GGA3: variants seen among roughly 807,000 people sequenced by gnomAD.
The protein encoded by GGA3 is ADP-ribosylation factor-binding protein GGA3.
A neutral mutation model predicts 77.5 loss-of-function variants in GGA3; 57 were observed. The observed-to-expected ratio is 0.74, with a 90% CI of 0.59 to 0.92. GGA3 has a LOEUF of 0.92. Among genes scored for constraint, GGA3 ranks in the 40% least tolerant of loss-of-function variants. The pLI, the probability that GGA3 is intolerant of heterozygous loss-of-function variation, is 0.00. For synonymous variants in GGA3, 416 were observed against 383.7 expected (o/e 1.08, Z -0.98); for missense variants, 970 against 914.9 (o/e 1.06, Z -0.78).
chr17:75,245,041 A>G (rs2076706959), intron 3 of GGA3, among the ~76,000 whole-genome samples: 1 of 152,154 alleles, frequency 6.6e-6, no homozygotes, highest in South Asian at 2.1e-4. Context: ...GTGTTTTACA[A>G]TGAGGGAGGT....
At chr17:75,239,134 C>CAG (rs773319238) in intron 14 of GGA3, 51 bp from the exon 15 acceptor site, 9 of 1,548,784 alleles carry the variant, frequency 5.8e-6, no homozygotes, top group Non-Finnish European at 7.9e-6. Flanking sequence ...AGACACCCAA[C>CAG]AGAGCCCCGG....
At position 75,242,340 on chromosome 17, in the gene GGA3, A is replaced by G. The variant is rs768625585; in HGVS notation, c.743T>C (p.Met248Thr). ...CTTTGCCGTCGGCGGTCCCACCTTCATCAGCTCTCTGTCCCCGTCCGAAGA... is the reference window on the plus strand; with the variant it reads ...CTTTGCCGTCGGCGGTCCCACCTTCGTCAGCTCTCTGTCCCCGTCCGAAGA... ...EDSSDGDREL[M>T]KELFDQCENK... is the part of the protein sequence containing the mutation. The change falls in exon 8 of 17, where the codon ATG becomes ACG. Residue 248 changes from methionine to threonine, a missense_variant. Met to Thr is a moderately conservative substitution (Grantham distance 81, BLOSUM62 -1). Coordinates refer to ENST00000537686, the MANE Select transcript of GGA3 (RefSeq NM_138619.4). 2 of 1,614,070 alleles carry G rather than the reference A, an allele frequency of 1.2e-6. No individual in the cohort carries two copies. Among genetic ancestry groups the G allele is most frequent in the African/African-American group, 1.3e-5 (1 of 74,930 alleles).
chr17:75,238,511 TCAGA>T, intron 16 of GGA3, 122 bp from the exon 17 acceptor site: 1 of 994,090 alleles, frequency 1.0e-6, no homozygotes, highest in Non-Finnish European at 1.5e-6. Context: ...CCAACCATGC[TCAGA>T]CACTTAACCT....
intron 1 of GGA3, among the ~76,000 whole-genome samples, chr17:75,258,984 C>T (rs564993692): frequency 3.8e-4 from 56 of 146,776 alleles, no homozygotes; most frequent in African/African-American, 1.2e-3. Flanking sequence ...GACGGAGTCT[C>T]GCTCTGTCAC....
intron 1 of GGA3, among the ~76,000 whole-genome samples, chr17:75,250,949 C>T (rs1054200159): frequency 1.3e-5 from 2 of 150,518 alleles, no homozygotes; most frequent in Admixed American, 1.3e-4. Flanking sequence ...GGCATGGTTC[C>T]GCGCACCTGT....
At chr17:75,249,077 G>A (rs1598422644) in intron 1 of GGA3, 36 of 850,564 alleles carry the variant, frequency 4.2e-5, no homozygotes, top group South Asian at 3.8e-4. Flanking sequence ...ATTGAGTCTC[G>A]CTGTGTCACC....
upstream of GGA3, chr17:75,261,654 G>A: frequency 1.4e-6 from 2 of 1,413,622 alleles, no homozygotes; most frequent in South Asian, 2.8e-5. Flanking sequence ...ACGGGGCGGG[G>A]CCTGCATGGG....
chr17:75,253,756 AC>A (rs2145579934), intron 1 of GGA3, among the ~76,000 whole-genome samples: 1 of 151,926 alleles, frequency 6.6e-6, no homozygotes, highest in Non-Finnish European at 1.5e-5. Context: ...GAACCCTCGA[AC>A]CCCTTCCCTC....
At chr17:75,261,667 C>T (rs895603027), upstream of GGA3, 50 of 1,369,956 alleles carry the variant, frequency 3.6e-5, no homozygotes, top group African/African-American at 7.0e-4. Flanking sequence ...TGCATGGGGT[C>T]CTGAGAGGAG....
intron 1 of GGA3, among the ~76,000 whole-genome samples, chr17:75,254,946 A>T (rs2077092086): frequency 6.6e-6 from 1 of 151,956 alleles, no homozygotes; most frequent in Non-Finnish European, 1.5e-5. Context: ...TGAAAATTGG[A>T]CTGTTCAACT....
At position 75,240,182 on chromosome 17, in the gene GGA3, C is replaced by T. The variant is rs2076492605; in HGVS notation, c.1264-74G>A. 4 of 1,302,954 alleles carry T rather than the reference C, an allele frequency of 3.1e-6. No individual in the cohort carries two copies. The East Asian group carries it at 1.0e-4, about 33-fold the overall frequency. The allele number at this position is 1,302,954 out of a possible 1,614,324, so 80.7% of individuals were successfully genotyped here. A position where few individuals can be genotyped will look rare whatever the true frequency, so the allele number is the denominator to read the frequency against. On this transcript the variant is annotated intron_variant, in intron 12 of 16. Transcript: ENST00000537686. ...TGCCGCTGGAACGGGGCGCAGCCCT[C>T]CAAGGACTGCACGGAAGACAGCCCC...
At chr17:75,256,899 C>T (rs888613546) in intron 1 of GGA3, among the ~76,000 whole-genome samples, 1 of 152,084 alleles carries the variant, frequency 6.6e-6, no homozygotes, top group African/African-American at 2.4e-5. Context: ...AGAAGGCCAC[C>T]GCAGTCATTT....
Position 75,238,023 on chromosome 17 carries a change from C to T in GGA3, c.*256G>A. On this transcript the variant is annotated 3_prime_UTR_variant, in exon 17 of 17. Coordinates refer to ENST00000537686, the MANE Select transcript of GGA3 (RefSeq NM_138619.4). The stretch of plus-strand genomic sequence containing the variant: ...CATGTTCCCGGGACAGCAGTGAAGT[C>T]AGGGGCCACTCCGCACCCCTGACAG... 3.1e-6 allele frequency: 4 copies of T among 1,280,938 alleles called. No homozygotes were observed. Among genetic ancestry groups the T allele is most frequent in the Non-Finnish European group, 3.9e-6 (4 of 1,013,694 alleles). 79.3% of individuals were successfully genotyped at this position (1,280,938 alleles called of 1,614,324 possible). A position where few individuals can be genotyped will look rare whatever the true frequency, so the allele number is the denominator to read the frequency against.
chr17:75,249,295 G>A (rs184896279), intron 1 of GGA3, among the ~76,000 whole-genome samples: 67 of 152,260 alleles, frequency 4.4e-4, no homozygotes, highest in Non-Finnish European at 6.2e-4. Flanking sequence ...GACCAGCCCT[G>A]GCCTCCCAAA....
rs1425986942 is a variant in GGA3, at chr17:75,239,488, C to A, written c.1667G>T (p.Gly556Val). The change falls in exon 14 of 17, where the codon GGG (glycine) becomes GTG (valine). Residue 556 changes from glycine to valine, a missense_variant. Physicochemically the swap from Gly to Val is moderately radical, Grantham distance 109. Coordinates refer to ENST00000537686, the MANE Select transcript of GGA3 (RefSeq NM_138619.4). ...TGGCTGGAAGAGCGGGCTGCCGGGC[C>A]CCGTGGAGAAGGGCAGGAGGGGCCT... ...PARPLLPFST[G>V]PGSPLFQPLS... 6.3e-7 allele frequency: 1 copy of A among 1,578,634 alleles called. No individual in the cohort carries two copies. The highest frequency in any genetic ancestry group is 8.6e-7 in the Non-Finnish European group (1 of 1,169,042).
intron 1 of GGA3, among the ~76,000 whole-genome samples, chr17:75,251,204 C>G (rs530680304): frequency 2.6e-5 from 4 of 152,152 alleles, no homozygotes; most frequent in African/African-American, 9.6e-5. Context: ...TAGTCAATCA[C>G]CAAGTCTTTG....
rs769368011 is a variant in GGA3 at position 75,239,485 on chromosome 17, G to A, written c.1670C>T (p.Pro557Leu). 3 of 1,579,842 alleles carry A rather than the reference G, an allele frequency of 1.9e-6. No homozygotes were observed. The highest frequency in any genetic ancestry group is 2.3e-5 in the South Asian group (2 of 86,242). Residue 557 changes from proline (P) to leucine (L), a missense_variant, in exon 14 of 17, where the codon CCC becomes CTC. Transcript: ENST00000537686. ...CAGTGGCTGGAAGAGCGGGCTGCCG[G>A]GCCCCGTGGAGAAGGGCAGGAGGGG... ...ARPLLPFSTG[P>L]GSPLFQPLSF...
At chr17:75,261,973 C>G, upstream of GGA3, 1 of 1,601,788 alleles carries the variant, frequency 6.2e-7, no homozygotes, top group Non-Finnish European at 8.5e-7. Flanking sequence ...GGCTGTCTTG[C>G]AGCTTCCAGG....
chr17:75,237,897 G>A lies in GGA3; in HGVS notation c.*382C>T. 7.3e-7 allele frequency: 1 copy of A among 1,365,422 alleles called. No homozygotes were observed. The highest frequency in any genetic ancestry group is 2.7e-4 in the Middle Eastern group (1 of 3,672). The allele number at this position is 1,365,422 out of a possible 1,614,324, so 84.6% of individuals were successfully genotyped here. On this transcript the variant is annotated 3_prime_UTR_variant, in exon 17 of 17. Transcript: ENST00000537686. ...GTGGCTCTTGTGGGGAATGACCCAT[G>A]ACAGTCTCTCTTTAGAGACTCCCAC...
Sources: allele counts gnomAD v4.1 joint callset (sites outside exome capture counted in the v4.1 genomes callset), GRCh38; gene constraint gnomAD v4.1.1; transcripts MANE v1.5; gene names NCBI Gene and HGNC (gene_info 2026-07-23, HGNC 2026-07-21).